The following HEATR1 variants were observed in gnomAD, a reference collection of about 807,000 sequenced individuals.
The protein encoded by HEATR1 is HEAT repeat containing 1, also known as HEAT repeat-containing protein 1.
In HEATR1, 77 loss-of-function variants were observed where a neutral mutation model predicts 248.2. That is an observed-to-expected ratio of 0.31 (90% CI 0.26 to 0.37). The LOEUF is 0.37. Ranked by LOEUF, HEATR1 falls within the 10% of genes least tolerant of loss-of-function variation. The probability of loss-of-function intolerance (pLI) is 1.00; values close to 1 mark genes in which losing one functional copy is unlikely to be tolerated. For missense variants in HEATR1, 2,420 were observed against 2,504.9 expected (o/e 0.97, Z 0.72); for synonymous variants, 897 against 923.1 (o/e 0.97, Z 0.51).
In HEATR1 at chr1:236,581,379, G is replaced by T; in HGVS notation, c.2598C>A (p.Phe866Leu). The T allele has an allele frequency of 1.3e-6, 2 of 1,522,464 alleles. No individual in the cohort carries two copies. The highest frequency in any genetic ancestry group is 8.8e-7 in the Non-Finnish European group (1 of 1,139,680). The allele number at this position is 1,522,464 out of a possible 1,614,324, so 94.3% of individuals were successfully genotyped here. Residue 866 changes from phenylalanine to leucine, a missense_variant, in exon 20 of 45, where the codon TTC (phenylalanine) becomes TTA (leucine). Physicochemically the swap from Phe to Leu is conservative, Grantham distance 22. Coordinates refer to ENST00000366582, the MANE Select transcript of HEATR1 (RefSeq NM_018072.6). ...HLEDVFQLFK[F>L]CSVLWTYGSS... ...AACCATAGGTCCATAAAACAGAACA[G>T]AACTTGAATAACTGAAAAACATCTT...
intron 43 of HEATR1, 159 bp from the exon 44 acceptor site, chr1:236,552,266 A>G (rs1377358967): frequency 3.9e-6 from 2 of 509,134 alleles, no homozygotes; most frequent in Admixed American, 3.7e-5. Context: ...TTAGAATACC[A>G]GTTTCACCAT....
chr1:236,562,166 T>C (rs1257902510), intron 32 of HEATR1, among the ~76,000 whole-genome samples: 1 of 152,230 alleles, frequency 6.6e-6, no homozygotes, highest in Non-Finnish European at 1.5e-5. Context: ...CTAAATGACA[T>C]TGTACATTAA....
At chr1:236,578,672 C>A (rs1364142740) in intron 20 of HEATR1, among the ~76,000 whole-genome samples, 2 of 152,116 alleles carry the variant, frequency 1.3e-5, no homozygotes, top group Non-Finnish European at 2.9e-5. Context: ...GCTGCTAGAG[C>A]CTATTTGCGA....
intron 11 of HEATR1, among the ~76,000 whole-genome samples, 160 bp from the exon 12 acceptor site, chr1:236,591,114 A>G (rs538215078): frequency 1.3e-4 from 15 of 111,962 alleles, no homozygotes; most frequent in African/African-American, 4.2e-4. Context: ...CTTTGTTTCT[A>G]GAACATCACA....
chr1:236,581,582 G>C (rs940543379), intron 19 of HEATR1, among the ~76,000 whole-genome samples, 168 bp from the exon 20 acceptor site: 1 of 152,150 alleles, frequency 6.6e-6, no homozygotes, highest in Non-Finnish European at 1.5e-5. Flanking sequence ...AATGAACTGG[G>C]AAGATGTCAA....
Position 236,566,891 on chromosome 1 carries a change from G to A in HEATR1, c.4078-15C>T, listed in dbSNP as rs569292542. ...CCACTATCAGACTGCAAAACAGCAAGCAGAGACAATGAGTAGGTGCAAGTA... is the reference window on the plus strand; with the variant it reads ...CCACTATCAGACTGCAAAACAGCAAACAGAGACAATGAGTAGGTGCAAGTA... On this transcript the variant is annotated splice_polypyrimidine_tract_variant and intron_variant, in intron 29 of 44. Transcript: ENST00000366582. 5.1e-6 allele frequency: 8 copies of A among 1,563,514 alleles called. No homozygotes were observed. In the Admixed American group the frequency reaches 1.3e-4, roughly 26 times the overall value.
intron 43 of HEATR1, 50 bp from the exon 44 acceptor site, chr1:236,552,157 ATTATC>A (rs1441716620): frequency 2.4e-6 from 3 of 1,257,128 alleles, no homozygotes; most frequent in Non-Finnish European, 3.5e-6. Context: ...TACTGTATTT[ATTATC>A]TTAAGAGCTG....
chr1:236,587,211 T>C (rs12074447), intron 14 of HEATR1, among the ~76,000 whole-genome samples, 191 bp downstream of exon 14: 1,765 of 151,938 alleles, frequency 0.012, 40 homozygotes, highest in African/African-American at 0.039. Context: ...GAGAACAGTA[T>C]AATGAACACA....
At chr1:236,557,158 C>A in intron 37 of HEATR1, 37 bp downstream of exon 37, 3 of 1,594,582 alleles carry the variant, frequency 1.9e-6, no homozygotes, top group Admixed American at 1.8e-5. Context: ...CCTTCCCCAG[C>A]CACCCTGCGT....
rs772579596 is a variant in HEATR1, at chr1:236,582,920, G to A, written c.2426-48C>T. The A allele has an allele frequency of 2.2e-5, 36 of 1,608,046 alleles. No homozygotes were observed. In the Admixed American group the frequency reaches 5.3e-4, roughly 24 times the overall value. On this transcript the variant is annotated intron_variant, in intron 18 of 44. Coordinates refer to ENST00000366582, the MANE Select transcript of HEATR1 (RefSeq NM_018072.6). ...ATGATGCTAGATCCTACATGAACAT[G>A]CTGGGAGCTTTTTATTCAAGACAGT...
chr1:236,594,752 C>G (rs962054122), intron 8 of HEATR1, among the ~76,000 whole-genome samples: 41 of 152,098 alleles, frequency 2.7e-4, no homozygotes, highest in African/African-American at 9.4e-4. Context: ...TTCTTCCTAG[C>G]CTTTCTGTAT....
Position 236,549,390 on chromosome 1 carries a change from GA to G in HEATR1, c.*1511del, listed in dbSNP as rs929688246. ...TTTCAAAGGTTTGGGAGTGGGGAGGGAAAAAAGCTCAGTCAGTGAGGATCAT... is the reference window on the plus strand; with the variant it reads ...TTTCAAAGGTTTGGGAGTGGGGAGGGAAAAAGCTCAGTCAGTGAGGATCAT... On this transcript the variant is annotated 3_prime_UTR_variant, in exon 45 of 45. Transcript: ENST00000366582. 6.1e-6 allele frequency: 1 copy of G among 165,002 alleles called. No individual in the cohort carries two copies. The highest frequency in any genetic ancestry group is 1.3e-5 in the Non-Finnish European group (1 of 76,748). 10.2% of individuals were successfully genotyped at this position (165,002 alleles called of 1,614,324 possible). A position where few individuals can be genotyped will look rare whatever the true frequency, so the allele number is the denominator to read the frequency against.
At chr1:236,589,832 G>A (rs1012607982) in intron 12 of HEATR1, among the ~76,000 whole-genome samples, 8 of 152,152 alleles carry the variant, frequency 5.3e-5, no homozygotes, top group African/African-American at 1.9e-4. Flanking sequence ...ATAGTAAAAT[G>A]CATATACAAT....
chr1:236,554,251 G>A (rs867554425), intron 42 of HEATR1, among the ~76,000 whole-genome samples: 1 of 152,100 alleles, frequency 6.6e-6, no homozygotes, highest in African/African-American at 2.4e-5. Context: ...AATTAGCCAG[G>A]TGTGGAGGCG....
rs374984885 is a variant in HEATR1 at position 236,572,803 on chromosome 1, C to T, written c.3485G>A (p.Arg1162Gln). 14 of 1,613,698 alleles carry T rather than the reference C, an allele frequency of 8.7e-6. No individual in the cohort carries two copies. The highest frequency in any genetic ancestry group is 8.0e-5 in the African/African-American group (6 of 74,870). The change falls in exon 25 of 45, where the codon CGA becomes CAA. Residue 1162 changes from arginine to glutamine, a missense_variant. Transcript: ENST00000366582. ...KGISVNAEQV[R>Q]IELEPPDKAK... ...TTTATCTGGTGGCTCCAGTTCTATT[C>T]GGACTTGTTCAGCATTAACGGAAAT...
chr1:236,580,576 G>A (rs1035646544), intron 20 of HEATR1, among the ~76,000 whole-genome samples: 1 of 149,436 alleles, frequency 6.7e-6, no homozygotes, highest in Non-Finnish European at 1.5e-5. Flanking sequence ...GAGTGCAGTG[G>A]TGCAATCACA....
chr1:236,597,784 A>G, intron 5 of HEATR1, 94 bp downstream of exon 5: 1 of 748,788 alleles, frequency 1.3e-6, no homozygotes, highest in South Asian at 2.0e-5. Context: ...TATCCAAAGT[A>G]TCATTGTTAT....
At position 236,576,865 on chromosome 1, in the gene HEATR1, C is replaced by T. The variant is rs779722182; in HGVS notation, c.2840G>A (p.Gly947Glu). The T allele has an allele frequency of 1.2e-6, 2 of 1,613,920 alleles. No individual in the cohort carries two copies. Among genetic ancestry groups the T allele is most frequent in the Non-Finnish European group, 8.5e-7 (1 of 1,179,832 alleles). Residue 947 changes from glycine (G) to glutamate (E), a missense_variant, in exon 21 of 45, where the codon GGA (glycine) becomes GAA (glutamate). Transcript: ENST00000366582. ...AAIQCLQALSGVASPFYLIID... is the reference protein window; with the variant it reads ...AAIQCLQALSEVASPFYLIID... ...TATCAGATAAAACGGGGATGCCACTCCACTGAGGGCCTGGAGACACTGAAT... is the reference window on the plus strand; with the variant it reads ...TATCAGATAAAACGGGGATGCCACTTCACTGAGGGCCTGGAGACACTGAAT...
rs745813532 is a variant in HEATR1 at position 236,574,638 on chromosome 1, A to G, written c.3327+23T>C. 19 of 1,603,834 alleles carry G rather than the reference A, an allele frequency of 1.2e-5. No individual in the cohort carries two copies. In the East Asian group the frequency reaches 3.6e-4, roughly 30 times the overall value. On this transcript the variant is annotated intron_variant, in intron 23 of 44. Coordinates refer to ENST00000366582, the MANE Select transcript of HEATR1 (RefSeq NM_018072.6). ...TAAATGCTTGAACATGCTATGCCTT[A>G]GTTTCTGAAAGAAATCACTGACCTT... is the stretch of plus-strand genomic sequence containing the variant.
Sources: allele counts gnomAD v4.1 joint callset (sites outside exome capture counted in the v4.1 genomes callset), GRCh38; gene constraint gnomAD v4.1.1; transcripts MANE v1.5; gene names NCBI Gene and HGNC (gene_info 2026-07-23, HGNC 2026-07-21).